NTRK2: variants seen among roughly 807,000 people sequenced by gnomAD.
The protein encoded by NTRK2 is BDNF/NT-3 growth factors receptor.
A neutral mutation model predicts 94.5 loss-of-function variants in NTRK2; 13 were observed. The observed-to-expected ratio is 0.14, with a 90% confidence interval of 0.09 to 0.22. NTRK2 has a LOEUF of 0.22. NTRK2 is among the 10% of genes least tolerant of loss of function. NTRK2 has a pLI of 1.00. For missense variants in NTRK2, 639 were observed against 1,071.2 expected (o/e 0.60, Z 5.63); for synonymous variants, 372 against 407.4 (o/e 0.91, Z 1.05).
intron 9 of NTRK2, 145 bp downstream of exon 9, chr9:84,728,104 C>T (rs527270846): frequency 3.7e-5 from 29 of 774,552 alleles, no homozygotes; most frequent in Admixed American, 2.8e-4. Context: ...CATAGGTCAG[C>T]GGAGTGGTTT....
intron 17 of NTRK2, among the ~76,000 whole-genome samples, chr9:84,980,696 A>T (rs753259993): frequency 9.2e-5 from 14 of 152,238 alleles, no homozygotes; most frequent in Non-Finnish European, 1.5e-4. Context: ...ACAGCCAAAG[A>T]GGTCCCTACC....
chr9:84,814,154 C>T (rs1315401299), intron 12 of NTRK2: 1 of 1,065,516 alleles, frequency 9.4e-7, no homozygotes, highest in Non-Finnish European at 1.1e-6. Flanking sequence ...GTAGCAAGGA[C>T]AAGAACTAAA....
chr9:84,822,677 C>T lies in NTRK2; in HGVS notation c.1397-38363C>T, dbSNP rs543851423. Among the ~76,000 whole-genome samples, 202 of 152,234 alleles carry T rather than the reference C, an allele frequency of 1.3e-3. 4 individuals are homozygous for T. The South Asian group carries it at 0.038, about 29-fold the overall frequency. On this transcript the variant is annotated intron_variant, in intron 12 of 18. Coordinates refer to ENST00000277120, the MANE Select transcript of NTRK2 (RefSeq NM_006180.6). ...GCCGTTCACTCTAGGGAGTTACTGGCGAGGCTGCTGGGGAGTATTTGAGCC... is the reference window on the plus strand; with the variant it reads ...GCCGTTCACTCTAGGGAGTTACTGGTGAGGCTGCTGGGGAGTATTTGAGCC...
intron 12 of NTRK2, among the ~76,000 whole-genome samples, chr9:84,753,550 A>G (rs781557196): frequency 2.0e-5 from 3 of 152,160 alleles, no homozygotes; most frequent in African/African-American, 7.2e-5. Flanking sequence ...CCCCCTTCAG[A>G]ATGTGACAAG....
intron 17 of NTRK2, among the ~76,000 whole-genome samples, chr9:85,013,008 G>A (rs1389678609): frequency 6.6e-6 from 1 of 152,174 alleles, no homozygotes; most frequent in East Asian, 1.9e-4. Flanking sequence ...GATGTTCTAG[G>A]CTGCAAATAA....
At chr9:84,705,981 G>T (rs1311329226) in intron 4 of NTRK2, among the ~76,000 whole-genome samples, 1 of 151,780 alleles carries the variant, frequency 6.6e-6, no homozygotes, top group African/African-American at 2.4e-5. Context: ...GTAGAGACGG[G>T]GTTTCACCAT....
chr9:84,716,393 A>T (rs1431852344), intron 6 of NTRK2, among the ~76,000 whole-genome samples: 1 of 152,130 alleles, frequency 6.6e-6, no homozygotes, highest in African/African-American at 2.4e-5. Context: ...ATTTTTAAGA[A>T]TTACTTTTGG....
At chr9:84,870,097 CTATATATATA>C (rs67434914) in intron 14 of NTRK2, among the ~76,000 whole-genome samples, 23 of 99,688 alleles carry the variant, frequency 2.3e-4, no homozygotes, top group African/African-American at 4.6e-4. Context: ...TTCCCATTGA[CTATATATATA>C]TATATATATA....
chr9:84,888,982 A>ATT (rs71369159), intron 14 of NTRK2, among the ~76,000 whole-genome samples: 2,188 of 101,658 alleles, frequency 0.022, 371 homozygotes, highest in Middle Eastern at 0.044. Context: ...AATGACAGAA[A>ATT]TTTTTTTTTT....
chr9:84,708,190 G>A (rs915717473), intron 5 of NTRK2, among the ~76,000 whole-genome samples: 2 of 152,074 alleles, frequency 1.3e-5, no homozygotes, highest in African/African-American at 2.4e-5. Context: ...CTGGTACAGG[G>A]AAAAAAGAGA....
chr9:84,974,438 A>G (rs1826559902), intron 17 of NTRK2, among the ~76,000 whole-genome samples: 1 of 152,188 alleles, frequency 6.6e-6, no homozygotes, highest in Non-Finnish European at 1.5e-5. Context: ...TGTAATTTTT[A>G]TAGATCTCAG....
chr9:84,852,706 C>G (rs1160735792), intron 12 of NTRK2, among the ~76,000 whole-genome samples: 1 of 152,174 alleles, frequency 6.6e-6, no homozygotes, highest in Non-Finnish European at 1.5e-5. Flanking sequence ...TGTAGACTCA[C>G]TAAACTGCTT....
chr9:84,702,428 A>G lies in NTRK2; in HGVS notation c.359+9A>G. ...AGCAACCTGCAGCACATGTAAGTAG[A>G]GATTGATTCTTTTGCTTCCCAGGAC... On this transcript the variant is annotated intron_variant, in intron 4 of 18. Coordinates refer to ENST00000277120, the MANE Select transcript of NTRK2 (RefSeq NM_006180.6). 3.7e-6 allele frequency: 6 copies of G among 1,611,384 alleles called. No homozygotes were observed. Among genetic ancestry groups the G allele is most frequent in the Non-Finnish European group, 5.1e-6 (6 of 1,177,454 alleles).
chr9:84,804,874 C>G (rs1187274), intron 12 of NTRK2, among the ~76,000 whole-genome samples: 84,298 of 152,078 alleles, frequency 0.55, 25,771 homozygotes, highest in East Asian at 0.71. Context: ...GCTAGACACA[C>G]CCCAGGAGAA....
At position 84,955,319 on chromosome 9, in the gene NTRK2, C is replaced by A. The variant is rs745531290; in HGVS notation, c.1974C>A (p.Gly658=). ...HGPDAVLMAE[G]NPPTELTQSQ... ...CTGATGCCGTGCTGATGGCTGAGGGCAACCCGCCCACGGAACTGACGCAGT... is the reference window on the plus strand; with the variant it reads ...CTGATGCCGTGCTGATGGCTGAGGGAAACCCGCCCACGGAACTGACGCAGT... Residue 658 remains glycine, a synonymous_variant, in exon 17 of 19, where the codon GGC becomes GGA. Transcript: ENST00000277120. 2.5e-6 allele frequency: 4 copies of A among 1,609,562 alleles called. No individual in the cohort carries two copies. In the Admixed American group the frequency reaches 6.7e-5, roughly 27 times the overall value.
At chr9:84,719,790 G>A (rs1810224819) in intron 6 of NTRK2, among the ~76,000 whole-genome samples, 1 of 151,968 alleles carries the variant, frequency 6.6e-6, no homozygotes, top group Non-Finnish European at 1.5e-5. Flanking sequence ...AGGCTGAGGC[G>A]GGTCGAGTGC....
At chr9:84,838,645 A>G (rs2074008786) in intron 12 of NTRK2, among the ~76,000 whole-genome samples, 1 of 152,212 alleles carries the variant, frequency 6.6e-6, no homozygotes, top group African/African-American at 2.4e-5. Flanking sequence ...ACTCAAAAGT[A>G]TTTAAGAAAA....
chr9:84,915,748 G>A (rs2077375300), intron 14 of NTRK2, among the ~76,000 whole-genome samples: 1 of 152,180 alleles, frequency 6.6e-6, no homozygotes. Flanking sequence ...CTTCCCAGAA[G>A]CAGAAGTTAC....
Position 84,707,725 on chromosome 9 carries a change from G to A in NTRK2, c.360-119G>A, listed in dbSNP as rs1213635875. On this transcript the variant is annotated intron_variant, in intron 4 of 18. Coordinates refer to ENST00000277120, the MANE Select transcript of NTRK2 (RefSeq NM_006180.6). ...GAAAGAGAGAGAGATCTGGATGTAA[G>A]TAAAGCTTATATAATGATCAAATAA... The A allele has an allele frequency of 2.6e-5, 20 of 773,312 alleles. No individual in the cohort carries two copies. The East Asian group carries it at 4.6e-4, about 18-fold the overall frequency. 47.9% of individuals were successfully genotyped at this position (773,312 alleles called of 1,614,324 possible).
Sources: gnomAD v4.1 joint callset for allele counts (sites outside exome capture counted in the v4.1 genomes callset) on GRCh38, gnomAD v4.1.1 for gene constraint, MANE v1.5 for transcripts, NCBI Gene and HGNC (gene_info 2026-07-23, HGNC 2026-07-21) for gene names.